Variants in GNB5 observed in about 807,000 individuals in gnomAD.
GNB5 encodes the protein G protein subunit beta 5.
In GNB5, 37 loss-of-function variants were observed where a neutral mutation model predicts 55.3. The observed-to-expected ratio is 0.67, with a 90% CI of 0.51 to 0.88. The LOEUF is 0.88. GNB5 is among the 40% of genes least tolerant of loss of function. GNB5 has a pLI of 0.00. For missense variants in GNB5, 476 were observed against 515.3 expected, an observed-to-expected ratio of 0.92 and a Z score of 0.74; for synonymous variants, 219 against 198.5, an observed-to-expected ratio of 1.10 and a Z score of -0.87.
At chr15:52,166,222 C>T (rs545092581) in intron 3 of GNB5, among the ~76,000 whole-genome samples, 1 of 152,254 alleles carries the variant, frequency 6.6e-6, no homozygotes, top group East Asian at 1.9e-4. Context: ...AAGAGACTTA[C>T]ACTCCCACAC....
chr15:52,147,314 T>C (rs1421863360), intron 6 of GNB5, 145 bp downstream of exon 6: 1 of 642,358 alleles, frequency 1.6e-6, no homozygotes, highest in Non-Finnish European at 2.9e-6. Flanking sequence ...TGGTTTCTTC[T>C]TTGATCAAGT....
At chr15:52,146,827 C>T (rs1489590997) in intron 6 of GNB5, among the ~76,000 whole-genome samples, 2 of 151,408 alleles carry the variant, frequency 1.3e-5, no homozygotes, top group South Asian at 4.2e-4. Context: ...AAGTGATCCT[C>T]CTGCCTCTGC....
chr15:52,177,619 C>G (rs2034676861), intron 3 of GNB5, among the ~76,000 whole-genome samples: 1 of 150,334 alleles, frequency 6.7e-6, no homozygotes, highest in Admixed American at 6.6e-5. Flanking sequence ...CCATTGTACT[C>G]CAGCCTGGGT....
intron 3 of GNB5, among the ~76,000 whole-genome samples, chr15:52,158,589 G>A (rs2034264758): frequency 6.6e-6 from 1 of 151,836 alleles, no homozygotes; most frequent in Admixed American, 6.6e-5. Context: ...ACTAGCACTG[G>A]GAGTGGGAGG....
At chr15:52,137,518 C>T (rs1428336221) in intron 7 of GNB5, 41 of 1,016,066 alleles carry the variant, frequency 4.0e-5, no homozygotes, top group Non-Finnish European at 4.6e-5. Flanking sequence ...GAAAAGCAAA[C>T]GTATGTTTTA....
intron 4 of GNB5, among the ~76,000 whole-genome samples, chr15:52,153,260 A>G (rs2034138779): frequency 6.6e-6 from 1 of 152,204 alleles, no homozygotes; most frequent in African/African-American, 2.4e-5. Context: ...TGAGGAACTG[A>G]GGCCTCCAGC....
chr15:52,124,768 C>A, intron 11 of GNB5, 129 bp from the exon 12 acceptor site: 1 of 752,442 alleles, frequency 1.3e-6, no homozygotes, highest in East Asian at 2.5e-5. Context: ...TGTGCTTTGC[C>A]TCAAGGATTC....
At chr15:52,168,958 C>T (rs1488841477) in intron 3 of GNB5, among the ~76,000 whole-genome samples, 1 of 152,162 alleles carries the variant, frequency 6.6e-6, no homozygotes, top group South Asian at 2.1e-4. Flanking sequence ...ACACCTTATA[C>T]AAAAATTAAT....
chr15:52,171,517 G>C (rs1004769726), intron 3 of GNB5, among the ~76,000 whole-genome samples: 4 of 152,150 alleles, frequency 2.6e-5, no homozygotes, highest in Non-Finnish European at 5.9e-5. Flanking sequence ...TAGCCAGCTC[G>C]AGTATAACAG....
intron 3 of GNB5, among the ~76,000 whole-genome samples, chr15:52,154,810 A>C (rs1431681269): frequency 6.6e-6 from 1 of 152,196 alleles, no homozygotes; most frequent in Admixed American, 6.5e-5. Flanking sequence ...AAATCAATGC[A>C]ATGTCCTAAA....
intron 7 of GNB5, chr15:52,137,224 G>A: frequency 8.6e-7 from 1 of 1,165,436 alleles, no homozygotes; most frequent in African/African-American, 1.6e-5. Context: ...TATTTCTGAT[G>A]TTCGCTTGGG....
intron 5 of GNB5, among the ~76,000 whole-genome samples, chr15:52,148,356 T>C (rs1001312330): frequency 5.9e-5 from 9 of 152,182 alleles, no homozygotes; most frequent in Admixed American, 5.2e-4. Flanking sequence ...TCTTGGGTTG[T>C]GCTCACGGAT....
At chr15:52,132,591 G>A (rs2033604260) in intron 9 of GNB5, among the ~76,000 whole-genome samples, 4 of 144,882 alleles carry the variant, frequency 2.8e-5, no homozygotes, top group Admixed American at 2.1e-4. Flanking sequence ...GGGTTCAATC[G>A]ATCCTCCCAC....
At chr15:52,167,567 A>C (rs1339979278) in intron 3 of GNB5, among the ~76,000 whole-genome samples, 1 of 152,038 alleles carries the variant, frequency 6.6e-6, no homozygotes, top group East Asian at 1.9e-4. Flanking sequence ...GCTACTCAGG[A>C]GGCTGAGGCA....
chr15:52,181,612 A>AAAAAAC (rs893863456), intron 2 of GNB5, among the ~76,000 whole-genome samples: 5 of 152,076 alleles, frequency 3.3e-5, no homozygotes, highest in East Asian at 1.9e-4. Context: ...CAAGACTCAA[A>AAAAAAC]AAAAACAAAA....
At chr15:52,164,887 C>T (rs1415820560) in intron 3 of GNB5, among the ~76,000 whole-genome samples, 1 of 152,096 alleles carries the variant, frequency 6.6e-6, no homozygotes, top group Admixed American at 6.6e-5. Context: ...AAGTAGGCTT[C>T]AGAAGGTGGG....
intron 7 of GNB5, chr15:52,137,798 C>G: frequency 7.9e-7 from 1 of 1,257,890 alleles, no homozygotes; most frequent in Non-Finnish European, 1.0e-6. Context: ...TGGGTACTGA[C>G]AGCAATGGAG....
chr15:52,169,855 C>G (rs1252237114), intron 3 of GNB5, among the ~76,000 whole-genome samples: 1 of 151,968 alleles, frequency 6.6e-6, no homozygotes, highest in Non-Finnish European at 1.5e-5. Flanking sequence ...TCTACAAGAA[C>G]TTAAACAAAT....
At chr15:52,178,626 A>T (rs2034698699) in intron 3 of GNB5, among the ~76,000 whole-genome samples, 1 of 152,148 alleles carries the variant, frequency 6.6e-6, no homozygotes, top group Admixed American at 6.5e-5. Context: ...TTGCATAACT[A>T]CATTATTTGG....
Sources: gnomAD v4.1 joint callset for allele counts (sites outside exome capture counted in the v4.1 genomes callset) on GRCh38, gnomAD v4.1.1 for gene constraint, MANE v1.5 for transcripts, NCBI Gene and HGNC (gene_info 2026-07-23, HGNC 2026-07-21) for gene names.